SAFB: variants seen among roughly 807,000 people sequenced by gnomAD.
The protein encoded by SAFB is scaffold attachment factor B1.
In SAFB, 15 loss-of-function variants were observed where a neutral mutation model predicts 101.6. The ratio of observed to expected loss-of-function variants is 0.15; its 90% CI spans 0.10 to 0.23. The LOEUF (loss-of-function observed/expected upper bound fraction) is 0.23. Among genes scored for constraint, SAFB ranks in the 10% least tolerant of loss-of-function variants. The probability of loss-of-function intolerance (pLI) is 1.00; values close to 1 mark genes in which losing one functional copy is unlikely to be tolerated. For synonymous variants in SAFB, 449 were observed against 407.5 expected (o/e 1.10, Z -1.23); for missense variants, 930 against 1,104.1 (o/e 0.84, Z 2.23).
intron 2 of SAFB, among the ~76,000 whole-genome samples, chr19:5,629,146 G>A (rs1382556376): frequency 2.0e-5 from 3 of 152,174 alleles, no homozygotes; most frequent in Non-Finnish European, 4.4e-5. Flanking sequence ...GTTCACAGTC[G>A]GGACAGCCCA....
intron 2 of SAFB, among the ~76,000 whole-genome samples, chr19:5,640,460 G>T (rs1203797113): frequency 6.8e-6 from 1 of 148,024 alleles, no homozygotes. Context: ...CTGCCTCCCG[G>T]ATTCAAGCGA....
At chr19:5,645,438 G>A (rs1412316554) in intron 5 of SAFB, 39 bp downstream of exon 5, 1 of 945,072 alleles carries the variant, frequency 1.1e-6, no homozygotes, top group Admixed American at 1.9e-5. Context: ...AGAATGAAAG[G>A]TCAGACCACA....
chr19:5,655,479 AACAC>A (rs1372238476), intron 13 of SAFB, among the ~76,000 whole-genome samples: 7 of 149,870 alleles, frequency 4.7e-5, no homozygotes, highest in African/African-American at 1.7e-4. Flanking sequence ...AAAAAAAAAA[AACAC>A]ACACCTATTA....
At chr19:5,654,594 T>C in intron 13 of SAFB, 138 bp downstream of exon 13, 1 of 628,726 alleles carries the variant, frequency 1.6e-6, no homozygotes. Context: ...TCTCAAACTA[T>C]TTTTTTTGAG....
At chr19:5,646,891 A>G (rs1016110281) in intron 5 of SAFB, among the ~76,000 whole-genome samples, 1 of 152,232 alleles carries the variant, frequency 6.6e-6, no homozygotes, top group African/African-American at 2.4e-5. Context: ...GCCTTTGCTC[A>G]GAGCCTGTCT....
intron 1 of SAFB, among the ~76,000 whole-genome samples, chr19:5,625,371 G>T (rs1028170922): frequency 6.6e-5 from 10 of 152,186 alleles, no homozygotes; most frequent in African/African-American, 2.4e-4. Flanking sequence ...TTGATCCCAG[G>T]AAAGAACTTC....
intron 13 of SAFB, among the ~76,000 whole-genome samples, chr19:5,656,814 A>G (rs2054073124): frequency 6.6e-6 from 1 of 151,968 alleles, no homozygotes; most frequent in Non-Finnish European, 1.5e-5. Flanking sequence ...TCAGTCACTC[A>G]GGCTGGAGTC....
At chr19:5,633,194 A>G (rs1017762049) in intron 2 of SAFB, among the ~76,000 whole-genome samples, 1 of 152,198 alleles carries the variant, frequency 6.6e-6, no homozygotes, top group Admixed American at 6.5e-5. Context: ...GTTTACTGAC[A>G]TAAGGAATAG....
intron 2 of SAFB, among the ~76,000 whole-genome samples, chr19:5,632,817 A>C (rs1011187196): frequency 2.6e-5 from 4 of 152,144 alleles, no homozygotes; most frequent in African/African-American, 9.7e-5. Flanking sequence ...AGGTCACTGC[A>C]ACCCTGAATT....
chr19:5,648,838 A>G (rs2053878465), intron 6 of SAFB, 151 bp from the exon 7 acceptor site: 2 of 546,974 alleles, frequency 3.7e-6, no homozygotes, highest in Non-Finnish European at 6.8e-6. Flanking sequence ...TGTAACCAGT[A>G]TAACTTTGTG....
chr19:5,649,780 C>A (rs1053434603), intron 7 of SAFB, 146 bp from the exon 8 acceptor site: 2 of 842,874 alleles, frequency 2.4e-6, no homozygotes, highest in African/African-American at 3.4e-5. Flanking sequence ...ATGGTTAGGT[C>A]AGATTTTCAA....
chr19:5,646,434 T>G (rs1444884461), intron 5 of SAFB, among the ~76,000 whole-genome samples: 1 of 152,200 alleles, frequency 6.6e-6, no homozygotes, highest in Admixed American at 6.5e-5. Flanking sequence ...GAGCCGGATC[T>G]TGTCACTTTC....
At chr19:5,648,791 G>A (rs921272490) in intron 6 of SAFB, 198 bp from the exon 7 acceptor site, 32 of 688,426 alleles carry the variant, frequency 4.6e-5, no homozygotes, top group Admixed American at 3.2e-4. Context: ...TCCGTGTAGC[G>A]TAGAGGCTTA....
At chr19:5,635,324 C>T (rs1000436371) in intron 2 of SAFB, among the ~76,000 whole-genome samples, 70 of 151,928 alleles carry the variant, frequency 4.6e-4, no homozygotes, top group African/African-American at 1.6e-3. Flanking sequence ...ATGTCCAAGG[C>T]CTGTTAGTAG....
chr19:5,662,622 C>A (rs1464038166), intron 15 of SAFB, among the ~76,000 whole-genome samples: 1 of 151,472 alleles, frequency 6.6e-6, no homozygotes, highest in Admixed American at 6.6e-5. Context: ...TGCCCTACTG[C>A]ACCTCCTTTA....
Position 5,667,323 on chromosome 19 carries a change from A to T in SAFB, c.2454-24A>T. 2 of 1,457,076 alleles carry T rather than the reference A, an allele frequency of 1.4e-6. No homozygotes were observed. The highest frequency in any genetic ancestry group is 2.8e-5 in the South Asian group (2 of 71,762). The allele number at this position is 1,457,076 out of a possible 1,614,324, so 90.3% of individuals were successfully genotyped here. ...AAGAGCCAGAGATGGGGGCAATCCA[A>T]ATCAGAGATGTCTCTCTTTCAAGGG... On this transcript the variant is annotated intron_variant, in intron 18 of 20. Transcript: ENST00000588852. The surrounding 1 kb of genome is among the most constrained non-coding windows in gnomAD (Gnocchi z 4.0).
At chr19:5,628,990 C>T (rs906465264) in intron 2 of SAFB, among the ~76,000 whole-genome samples, 1 of 151,990 alleles carries the variant, frequency 6.6e-6, no homozygotes, top group Non-Finnish European at 1.5e-5. Flanking sequence ...GGAGGGTAGT[C>T]GCGCAGTCAT....
chr19:5,664,323 G>A, intron 16 of SAFB, 74 bp from the exon 17 acceptor site: 3 of 1,468,986 alleles, frequency 2.0e-6, no homozygotes, highest in Non-Finnish European at 2.9e-6. Flanking sequence ...GCTTTTCATT[G>A]GGGGCCTGAT....
At chr19:5,638,650 C>A (rs1411710926) in intron 2 of SAFB, among the ~76,000 whole-genome samples, 1 of 150,614 alleles carries the variant, frequency 6.6e-6, no homozygotes, top group Non-Finnish European at 1.5e-5. Context: ...TGAAGAAAAA[C>A]CTGGAGTTAA....
Sources: allele counts gnomAD v4.1 joint callset (sites outside exome capture counted in the v4.1 genomes callset), GRCh38; gene constraint gnomAD v4.1.1; non-coding constraint Gnocchi (gnomAD v3.1); transcripts MANE v1.5; gene names NCBI Gene and HGNC (gene_info 2026-07-23, HGNC 2026-07-21).